STAT1: variants seen among roughly 807,000 people sequenced by gnomAD.
STAT1 encodes signal transducer and activator of transcription 1.
A neutral mutation model predicts 111.7 loss-of-function variants in STAT1; 24 were observed. That is an observed-to-expected ratio of 0.21 (90% CI 0.16 to 0.30). STAT1 has a LOEUF of 0.30. Among genes scored for constraint, STAT1 ranks in the 10% least tolerant of loss-of-function variants. STAT1 has a pLI of 1.00. For synonymous variants in STAT1, 332 were observed against 326.5 expected (o/e 1.02, Z -0.18); for missense variants, 351 against 911.9 (o/e 0.38, Z 7.92).
rs765973221 is a variant in STAT1 at position 191,007,711 on chromosome 2, C to A, written c.274-50G>T. The A allele has an allele frequency of 4.5e-6, 6 of 1,334,928 alleles. No homozygotes were observed. Among genetic ancestry groups the A allele is most frequent in the Non-Finnish European group, 6.5e-6 (6 of 929,448 alleles). The allele number at this position is 1,334,928 out of a possible 1,614,324, so 82.7% of individuals were successfully genotyped here. A position where few individuals can be genotyped will look rare whatever the true frequency, so the allele number is the denominator to read the frequency against. Reference sequence around the variant, plus strand: ...AATAAATTAAAATGCAGAATGTTTACTTTATTGTGTATTGTAAGTTGATAT... The same window carrying A: ...AATAAATTAAAATGCAGAATGTTTAATTTATTGTGTATTGTAAGTTGATAT... On this transcript the variant is annotated intron_variant, in intron 4 of 24. Coordinates refer to ENST00000361099, the MANE Select transcript of STAT1 (RefSeq NM_007315.4). This position sits in a 1 kb window ranked among gnomAD's most constrained non-coding sequence, Gnocchi z 4.2.
rs371861269 is a variant in STAT1 at position 190,974,961 on chromosome 2, G to A, written c.2136-29C>T. 4.0e-6 allele frequency: 6 copies of A among 1,518,084 alleles called. No individual in the cohort carries two copies. In the African/African-American group the frequency reaches 5.5e-5, roughly 14 times the overall value. 94.0% of individuals were successfully genotyped at this position (1,518,084 alleles called of 1,614,324 possible). On this transcript the variant is annotated intron_variant, in intron 23 of 24. Transcript: ENST00000361099. The surrounding 1 kb of genome is among the most constrained non-coding windows in gnomAD (Gnocchi z 4.8). ...AAATGGGGAAAAAGAAAAGAGCAAT[G>A]TCAACATCTGAGTGATGAAAGCACT...
At position 190,989,102 on chromosome 2, in the gene STAT1, G is replaced by T. The variant is rs1693105182; in HGVS notation, c.1097+513C>A. Among the ~76,000 whole-genome samples the T allele has an allele frequency of 6.6e-6, 1 of 152,016 alleles. No individual in the cohort carries two copies. The highest frequency in any genetic ancestry group is 1.5e-5 in the Non-Finnish European group (1 of 68,014). On this transcript the variant is annotated intron_variant, in intron 12 of 24. Coordinates refer to ENST00000361099, the MANE Select transcript of STAT1 (RefSeq NM_007315.4). The surrounding 1 kb of genome is among the most constrained non-coding windows in gnomAD (Gnocchi z 5.0). ...CTCCACACAGTCTCCCCAAGATGCT[G>T]CTGACCTCGCTCCAGAAAAAAACCC...
rs556152422 is a variant in STAT1 at position 190,978,440 on chromosome 2, C to G, written c.1873+416G>C. 3 of 264,518 alleles carry G rather than the reference C, an allele frequency of 1.1e-5. No homozygotes were observed. Among genetic ancestry groups the G allele is most frequent in the Admixed American group, 4.6e-5 (1 of 21,962 alleles). The allele number at this position is 264,518 out of a possible 1,614,324, so 16.4% of individuals were successfully genotyped here. On this transcript the variant is annotated intron_variant, in intron 21 of 24. Transcript: ENST00000361099. This position sits in a 1 kb window ranked among gnomAD's most constrained non-coding sequence, Gnocchi z 6.1. ...AACAGGTCCTGCATCAACTCCCTGGCTGATGATGTGTATGAAGTCTTCTCC... is the reference window on the plus strand; with the variant it reads ...AACAGGTCCTGCATCAACTCCCTGGGTGATGATGTGTATGAAGTCTTCTCC...
chr2:191,013,607 G>A lies in STAT1; in HGVS notation c.-84C>T. ...CAGCACGTTAGGTGCCAAGACTGTC[G>A]AGGTTATATACACAGAGTGCGAACG... is the stretch of plus-strand genomic sequence containing the variant. On this transcript the variant is annotated 5_prime_UTR_variant, in exon 2 of 25. Transcript: ENST00000361099. The A allele has an allele frequency of 2.5e-6, 1 of 398,588 alleles. No individual in the cohort carries two copies. 24.7% of individuals were successfully genotyped at this position (398,588 alleles called of 1,614,324 possible).
At position 191,003,640 on chromosome 2, in the gene STAT1, A is replaced by C. The variant is rs1314097932; in HGVS notation, c.373-2477T>G. 6.6e-6 allele frequency among the ~76,000 whole-genome samples: 1 copy of C among 152,150 alleles called. No individual in the cohort carries two copies. Among genetic ancestry groups the C allele is most frequent in the Admixed American group, 6.5e-5 (1 of 15,274 alleles). The stretch of plus-strand genomic sequence containing the variant: ...CCCCTTCACCTGCTGCTATGACTGT[A>C]AGTTTCCTGAGGCCTCCCCAGAAAC... On this transcript the variant is annotated intron_variant, in intron 5 of 24. Coordinates refer to ENST00000361099, the MANE Select transcript of STAT1 (RefSeq NM_007315.4). This position sits in a 1 kb window ranked among gnomAD's most constrained non-coding sequence, Gnocchi z 4.0.
Position 190,984,193 on chromosome 2 carries a change from T to A in STAT1, c.1347+117A>T. ...TTAAGATAGTATTAGCTGAAAAAGA[T>A]CATTTTAAAACAATTAGGTAAATAC... On this transcript the variant is annotated intron_variant, in intron 16 of 24. Coordinates refer to ENST00000361099, the MANE Select transcript of STAT1 (RefSeq NM_007315.4). The surrounding 1 kb of genome is among the most constrained non-coding windows in gnomAD (Gnocchi z 5.2). 1 of 859,924 alleles carries A rather than the reference T, an allele frequency of 1.2e-6. No homozygotes were observed. Among genetic ancestry groups the A allele is most frequent in the South Asian group, 1.5e-5 (1 of 65,920 alleles). 53.3% of individuals were successfully genotyped at this position (859,924 alleles called of 1,614,324 possible).
chr2:190,974,932 A>C lies in STAT1; in HGVS notation c.2136T>G (p.Val712=), dbSNP rs35364817. 8.3e-4 allele frequency: 1,345 copies of C among 1,613,298 alleles called. 15 individuals are homozygous for C. The African/African-American group carries it at 0.016, about 19-fold the overall frequency. ...IKTELISVSE[V]HPSRLQTTDN... ...CTGTGGTCTGAAGTCTAGAAGGGTG[A>C]CTAAAATGGGGAAAAAGAAAAGAGC... Residue 712 remains valine (V), a splice_region_variant and synonymous_variant, in exon 24 of 25, where the codon GTT becomes GTG. Coordinates refer to ENST00000361099, the MANE Select transcript of STAT1 (RefSeq NM_007315.4). This position sits in a 1 kb window ranked among gnomAD's most constrained non-coding sequence, Gnocchi z 4.8.
chr2:190,974,690 G>A lies in STAT1; in HGVS notation c.2238+140C>T, dbSNP rs535256032. On this transcript the variant is annotated intron_variant, in intron 24 of 24. Coordinates refer to ENST00000361099, the MANE Select transcript of STAT1 (RefSeq NM_007315.4). The surrounding 1 kb of genome is among the most constrained non-coding windows in gnomAD (Gnocchi z 4.8). ...AATCCAGCAGCTCCAACTTGTCATG[G>A]CTCATCTGAGCACTGCACTCTCCTT... 10 of 741,106 alleles carry A rather than the reference G, an allele frequency of 1.3e-5. No individual in the cohort carries two copies. In the Admixed American group the frequency reaches 2.0e-4, roughly 15 times the overall value. The allele number at this position is 741,106 out of a possible 1,614,324, so 45.9% of individuals were successfully genotyped here.
chr2:191,001,360 A>T (rs1346993954), intron 5 of STAT1, among the ~76,000 whole-genome samples, 197 bp from the exon 6 acceptor site: 1 of 152,206 alleles, frequency 6.6e-6, no homozygotes, highest in Non-Finnish European at 1.5e-5. Context: ...TTACAAAAAA[A>T]CTAGGCTCAA....
In STAT1 at chr2:190,989,586, T is replaced by C. The variant is rs1693161378; in HGVS notation, c.1097+29A>G. ...AAAATCAACATTTCAATAGTACATG[T>C]ATGTTATATAATGTTAAAGATATCT... On this transcript the variant is annotated intron_variant, in intron 12 of 24. Transcript: ENST00000361099. The surrounding 1 kb of genome is among the most constrained non-coding windows in gnomAD (Gnocchi z 5.0). 3.9e-6 allele frequency: 5 copies of C among 1,279,978 alleles called. No individual in the cohort carries two copies. The highest frequency in any genetic ancestry group is 2.6e-5 in the South Asian group (2 of 77,428). 79.3% of individuals were successfully genotyped at this position (1,279,978 alleles called of 1,614,324 possible).
chr2:191,012,040 C>T lies in STAT1; in HGVS notation c.-2+1485G>A, dbSNP rs1240486700. ...TGCTGGGATTACAGGCGTGAGCTTC[C>T]GCACCCTGCCACAGTTGGTTCTTAA... On this transcript the variant is annotated intron_variant, in intron 2 of 24. Transcript: ENST00000361099. The surrounding 1 kb of genome is among the most constrained non-coding windows in gnomAD (Gnocchi z 4.0). 1.3e-5 allele frequency among the ~76,000 whole-genome samples: 2 copies of T among 151,854 alleles called. No homozygotes were observed. Among genetic ancestry groups the T allele is most frequent in the Non-Finnish European group, 2.9e-5 (2 of 67,960 alleles).
In STAT1 at chr2:190,999,704, A is replaced by T; in HGVS notation, c.463T>A (p.Cys155Ser). The change falls in exon 7 of 25, where the codon TGT becomes AGT. Residue 155 changes from cysteine to serine, a missense_variant and splice_region_variant. This residue lies in a region of STAT1 where 67 missense variants were observed against 158.9 expected (regional missense o/e 0.42). Coordinates refer to ENST00000361099, the MANE Select transcript of STAT1 (RefSeq NM_007315.4). The surrounding 1 kb of genome is among the most constrained non-coding windows in gnomAD (Gnocchi z 4.1). ...KVRNVKDKVM[C>S]IEHEIKSLED... ...AGGCTCTTGATTTCATGCTCTATAC[A>T]CTACAAACAAAGATGTAAACATGTT... is the stretch of plus-strand genomic sequence containing the variant. 2 of 1,609,206 alleles carry T rather than the reference A, an allele frequency of 1.2e-6. No homozygotes were observed. The highest frequency in any genetic ancestry group is 1.7e-6 in the Non-Finnish European group (2 of 1,175,714).
Position 190,975,185 on chromosome 2 carries a change from C to T in STAT1, c.2136-253G>A, listed in dbSNP as rs1448231091. The T allele has an allele frequency of 1.0e-5, 5 of 499,350 alleles. No individual in the cohort carries two copies. The highest frequency in any genetic ancestry group is 3.6e-4 in the Middle Eastern group (1 of 2,772). The allele number at this position is 499,350 out of a possible 1,614,324, so 30.9% of individuals were successfully genotyped here. A position where few individuals can be genotyped will look rare whatever the true frequency, so the allele number is the denominator to read the frequency against. The stretch of plus-strand genomic sequence containing the variant: ...GCAATAGCCAGACTGGAATCTGTGC[C>T]GCTTCTGCCTGGGTAAGCCTAGGTG... On this transcript the variant is annotated intron_variant, in intron 23 of 24. Coordinates refer to ENST00000361099, the MANE Select transcript of STAT1 (RefSeq NM_007315.4). This position sits in a 1 kb window ranked among gnomAD's most constrained non-coding sequence, Gnocchi z 5.9.
chr2:191,012,440 T>C lies in STAT1; in HGVS notation c.-2+1085A>G, dbSNP rs370222332. ...CTAAAAAAAAAAAACAATGAATAAA[T>C]AAGCTCATGTTCACAAATCTGGAGT... On this transcript the variant is annotated intron_variant, in intron 2 of 24. Transcript: ENST00000361099. This position sits in a 1 kb window ranked among gnomAD's most constrained non-coding sequence, Gnocchi z 4.0. 2.8e-4 allele frequency among the ~76,000 whole-genome samples: 42 copies of C among 150,888 alleles called. No homozygotes were observed. Among genetic ancestry groups the C allele is most frequent in the African/African-American group, 9.5e-4 (39 of 41,056 alleles).
At position 190,995,247 on chromosome 2, in the gene STAT1, C is replaced by G; in HGVS notation, c.786-28G>C. The G allele has an allele frequency of 1.2e-6, 2 of 1,612,608 alleles. No homozygotes were observed. Among genetic ancestry groups the G allele is most frequent in the East Asian group, 2.2e-5 (1 of 44,858 alleles). On this transcript the variant is annotated intron_variant, in intron 9 of 24. Coordinates refer to ENST00000361099, the MANE Select transcript of STAT1 (RefSeq NM_007315.4). This position sits in a 1 kb window ranked among gnomAD's most constrained non-coding sequence, Gnocchi z 4.2. Reference sequence around the variant, plus strand: ...GGGAAGACACAAGACACAGATGTCTCTATGAGAAACAGTCCAGAAGCAGCC... The same window carrying G: ...GGGAAGACACAAGACACAGATGTCTGTATGAGAAACAGTCCAGAAGCAGCC...
Position 190,976,129 on chromosome 2 carries a change from G to C in STAT1, c.2060-242C>G, listed in dbSNP as rs533618633. Among the ~76,000 whole-genome samples, 2 of 152,324 alleles carry C rather than the reference G, an allele frequency of 1.3e-5. No homozygotes were observed. Among genetic ancestry groups the C allele is most frequent in the African/African-American group, 4.8e-5 (2 of 41,576 alleles). ...CTAGTGTTCAGCAGGACACTAGCTAGGAGCTTTCTCTTTACACAACTTGAA... is the reference window on the plus strand; with the variant it reads ...CTAGTGTTCAGCAGGACACTAGCTACGAGCTTTCTCTTTACACAACTTGAA... On this transcript the variant is annotated intron_variant, in intron 22 of 24. Transcript: ENST00000361099. The surrounding 1 kb of genome is among the most constrained non-coding windows in gnomAD (Gnocchi z 6.0).
rs371366270 is a variant in STAT1 at position 191,013,683 on chromosome 2, G to A, written c.-155-5C>T. The A allele has an allele frequency of 2.0e-4, 79 of 398,694 alleles. No individual in the cohort carries two copies. Among genetic ancestry groups the A allele is most frequent in the African/African-American group, 1.6e-3 (76 of 48,748 alleles). 24.7% of individuals were successfully genotyped at this position (398,694 alleles called of 1,614,324 possible). ...GCATACAGCAAATGAAACTTTCTGC[G>A]AAAAGAAGAAAACGTGACTGATGGA... On this transcript the variant is annotated splice_region_variant and splice_polypyrimidine_tract_variant and intron_variant, in intron 1 of 24. Transcript: ENST00000361099.
In STAT1 at chr2:190,999,785, A is replaced by G; in HGVS notation, c.463-81T>C. On this transcript the variant is annotated intron_variant, in intron 6 of 24. Coordinates refer to ENST00000361099, the MANE Select transcript of STAT1 (RefSeq NM_007315.4). The surrounding 1 kb of genome is among the most constrained non-coding windows in gnomAD (Gnocchi z 4.1). ...AGGCAACAGAGTATTGCTTCTATGG[A>G]ACCCAGAGAAACACGAAAACAATTC... is the stretch of plus-strand genomic sequence containing the variant. 2.1e-6 allele frequency: 2 copies of G among 941,712 alleles called. No individual in the cohort carries two copies. The highest frequency in any genetic ancestry group is 3.4e-6 in the Non-Finnish European group (2 of 585,876). 58.3% of individuals were successfully genotyped at this position (941,712 alleles called of 1,614,324 possible). A position where few individuals can be genotyped will look rare whatever the true frequency, so the allele number is the denominator to read the frequency against.
At position 190,970,611 on chromosome 2, in the gene STAT1, A is replaced by G; in HGVS notation, c.*92T>C. Reference sequence around the variant, plus strand: ...TTGCTGGCCTTTCTTTCATTTCCCTAGAAACACAGGATGTGAAGGAACAGA... The same window carrying G: ...TTGCTGGCCTTTCTTTCATTTCCCTGGAAACACAGGATGTGAAGGAACAGA... On this transcript the variant is annotated 3_prime_UTR_variant, in exon 25 of 25. Coordinates refer to ENST00000361099, the MANE Select transcript of STAT1 (RefSeq NM_007315.4). This position sits in a 1 kb window ranked among gnomAD's most constrained non-coding sequence, Gnocchi z 5.4. 1 of 1,441,946 alleles carries G rather than the reference A, an allele frequency of 6.9e-7. No homozygotes were observed. Among genetic ancestry groups the G allele is most frequent in the Admixed American group, 1.7e-5 (1 of 59,710 alleles). 89.3% of individuals were successfully genotyped at this position (1,441,946 alleles called of 1,614,324 possible).
Sources: gnomAD v4.1 joint callset for allele counts (sites outside exome capture counted in the v4.1 genomes callset) on GRCh38, gnomAD v4.1.1 for gene constraint, gnomAD v4.1.1 regional missense constraint, Gnocchi (gnomAD v3.1) non-coding constraint, MANE v1.5 for transcripts, NCBI Gene and HGNC (gene_info 2026-07-23, HGNC 2026-07-21) for gene names.